Variants in PRKG2 observed in about 807,000 individuals in gnomAD.
The protein encoded by PRKG2 is cGMP-dependent protein kinase 2.
Under a neutral mutation model 97.2 loss-of-function variants are expected in PRKG2, and 33 were observed. That is an observed-to-expected ratio of 0.34 (90% CI 0.26 to 0.45). The LOEUF is 0.45. PRKG2 is among the 20% of genes least tolerant of loss of function. PRKG2 has a pLI of 1.00. For synonymous variants in PRKG2, 330 were observed against 321.8 expected (o/e 1.03, Z -0.27); for missense variants, 638 against 900.0 (o/e 0.71, Z 3.73).
At chr4:81,172,962 C>A (rs958755483) in intron 3 of PRKG2, among the ~76,000 whole-genome samples, 1 of 152,062 alleles carries the variant, frequency 6.6e-6, no homozygotes, top group African/African-American at 2.4e-5. Context: ...GTTAGACATG[C>A]AATTTAAAAT....
At chr4:81,163,898 A>ACC (rs1329544008) in intron 6 of PRKG2, among the ~76,000 whole-genome samples, 1 of 145,764 alleles carries the variant, frequency 6.9e-6, no homozygotes, top group African/African-American at 2.7e-5. Flanking sequence ...ACACACACAC[A>ACC]CACACCTCTG....
chr4:81,110,865 T>C (rs759494114), intron 14 of PRKG2, among the ~76,000 whole-genome samples: 7 of 150,812 alleles, frequency 4.6e-5, no homozygotes, highest in Non-Finnish European at 8.8e-5. Flanking sequence ...GAAAGTTCCA[T>C]GCACATACCT....
intron 15 of PRKG2, among the ~76,000 whole-genome samples, chr4:81,107,965 G>A (rs1370690577): frequency 6.6e-6 from 1 of 152,114 alleles, no homozygotes; most frequent in East Asian, 1.9e-4. Flanking sequence ...AGCACTTTGA[G>A]AGAATGAGGC....
chr4:81,090,897 T>C (rs546055122), intron 18 of PRKG2, among the ~76,000 whole-genome samples: 1 of 152,214 alleles, frequency 6.6e-6, no homozygotes, highest in Admixed American at 6.5e-5. Flanking sequence ...CATAGATACA[T>C]GAAATAATTT....
chr4:81,140,778 G>C, intron 11 of PRKG2, 109 bp from the exon 12 acceptor site: 1 of 894,756 alleles, frequency 1.1e-6, no homozygotes, highest in Non-Finnish European at 1.7e-6. Flanking sequence ...GAAGCCCTTA[G>C]CCACTTATCC....
chr4:81,177,534 T>C (rs1751040395), intron 2 of PRKG2, among the ~76,000 whole-genome samples: 1 of 152,000 alleles, frequency 6.6e-6, no homozygotes, highest in East Asian at 1.9e-4. Context: ...TGAAACCCCG[T>C]CTCTACTAAT....
chr4:81,110,556 C>T lies in PRKG2; in HGVS notation c.1832G>A (p.Cys611Tyr). Reference protein sequence around the residue: ...IGSGQKTWTFCGTPEYVAPEV... With the variant: ...IGSGQKTWTFYGTPEYVAPEV... ...AGGAGCTACATATTCTGGAGTCCCA[C>T]AGAATGTCCATGTTTTCTGTCCAGA... Residue 611 changes from cysteine (C) to tyrosine (Y), a missense_variant, in exon 15 of 19, where the codon TGT becomes TAT. Cys to Tyr is a radical substitution (Grantham distance 194). This residue lies in a region of PRKG2 where 304 missense variants were observed against 460.5 expected (regional missense o/e 0.66). Transcript: ENST00000264399. 6.2e-7 allele frequency: 1 copy of T among 1,613,414 alleles called. No individual in the cohort carries two copies. Among genetic ancestry groups the T allele is most frequent in the Non-Finnish European group, 8.5e-7 (1 of 1,179,914 alleles).
chr4:81,147,141 G>A (rs1747931350), intron 9 of PRKG2, among the ~76,000 whole-genome samples: 1 of 152,126 alleles, frequency 6.6e-6, no homozygotes, highest in Non-Finnish European at 1.5e-5. Flanking sequence ...CAAGTAACTT[G>A]TAAGCCATAT....
At chr4:81,144,378 G>A (rs1457924101) in intron 9 of PRKG2, 48 bp from the exon 10 acceptor site, 11 of 1,449,424 alleles carry the variant, frequency 7.6e-6, no homozygotes, top group African/African-American at 1.4e-5. Flanking sequence ...TAGTTACCAA[G>A]GCAACTTGAC....
chr4:81,094,602 T>C (rs1195062996), intron 17 of PRKG2, among the ~76,000 whole-genome samples: 2 of 151,980 alleles, frequency 1.3e-5, no homozygotes, highest in African/African-American at 2.4e-5. Flanking sequence ...TAAAAGAGAA[T>C]AAAGTGGTAG....
rs1332543287 is a variant in PRKG2 at position 81,089,126 on chromosome 4, C to T, written c.*582G>A. The T allele has an allele frequency of 6.6e-6, 1 of 152,122 alleles. No homozygotes were observed. Among genetic ancestry groups the T allele is most frequent in the Non-Finnish European group, 1.5e-5 (1 of 68,028 alleles). The allele number at this position is 152,122 out of a possible 1,614,324, so 9.4% of individuals were successfully genotyped here. A position where few individuals can be genotyped will look rare whatever the true frequency, so the allele number is the denominator to read the frequency against. The stretch of plus-strand genomic sequence containing the variant: ...GGAAATGGTGCCACTGACTATTGCT[C>T]AATCTTGCCTCTCCCTGGACTCATG... On this transcript the variant is annotated 3_prime_UTR_variant, in exon 19 of 19. Coordinates refer to ENST00000264399, the MANE Select transcript of PRKG2 (RefSeq NM_006259.3).
chr4:81,150,507 T>A (rs1197096714), intron 8 of PRKG2, among the ~76,000 whole-genome samples: 1 of 152,164 alleles, frequency 6.6e-6, no homozygotes. Flanking sequence ...TGTCTCCAAC[T>A]TTCCTTCTCA....
rs1282266985 is a variant in PRKG2, at chr4:81,157,356, T to G, written c.913-3635A>C. Among the ~76,000 whole-genome samples, 3 of 152,110 alleles carry G rather than the reference T, an allele frequency of 2.0e-5. No homozygotes were observed. In the East Asian group the frequency reaches 5.8e-4, roughly 29 times the overall value. On this transcript the variant is annotated intron_variant, in intron 6 of 18. Transcript: ENST00000264399. ...AGAAATGGATAAATTCCTCAATACA[T>G]ACACTCTCCCAAGACTAAACCAGGA...
intron 18 of PRKG2, among the ~76,000 whole-genome samples, chr4:81,090,834 G>T (rs1202504428): frequency 6.6e-6 from 1 of 152,216 alleles, no homozygotes; most frequent in African/African-American, 2.4e-5. Context: ...TTTTAAAAAG[G>T]AATAGAATTG....
intron 14 of PRKG2, among the ~76,000 whole-genome samples, chr4:81,113,708 G>A (rs1177919644): frequency 6.6e-6 from 1 of 152,016 alleles, no homozygotes; most frequent in Non-Finnish European, 1.5e-5. Flanking sequence ...GACACAAAAT[G>A]GCCAGTCTAA....
At position 81,135,278 on chromosome 4, in the gene PRKG2, G is replaced by A. The variant is rs748788791; in HGVS notation, c.1653C>T (p.Pro551=). 2 of 1,612,198 alleles carry A rather than the reference G, an allele frequency of 1.2e-6. No individual in the cohort carries two copies. Among genetic ancestry groups the A allele is most frequent in the East Asian group, 2.2e-5 (1 of 44,780 alleles). The part of the protein sequence containing the change: ...ILRDRGSFDE[P]TSKFCVACVT... ...CACAAGCAACGCAGAATTTGGAGGTGGGTTCATCAAAGCTGCCTCTGCAAC... is the reference window on the plus strand; with the variant it reads ...CACAAGCAACGCAGAATTTGGAGGTAGGTTCATCAAAGCTGCCTCTGCAAC... Residue 551 remains proline, a synonymous_variant, in exon 14 of 19, where the codon CCC becomes CCT. Coordinates refer to ENST00000264399, the MANE Select transcript of PRKG2 (RefSeq NM_006259.3).
chr4:81,104,600 G>A (rs555921990), intron 16 of PRKG2, among the ~76,000 whole-genome samples, 168 bp from the exon 17 acceptor site: 49 of 151,994 alleles, frequency 3.2e-4, no homozygotes, highest in Non-Finnish European at 6.0e-4. Flanking sequence ...TCTGAGTTTA[G>A]GGAGGTGAAA....
intron 2 of PRKG2, among the ~76,000 whole-genome samples, chr4:81,203,303 T>A (rs1002344775): frequency 6.6e-6 from 1 of 152,110 alleles, no homozygotes; most frequent in Non-Finnish European, 1.5e-5. Flanking sequence ...TAATCAAATT[T>A]CTTTCAGTCA....
chr4:81,150,501 T>C (rs1284793016), intron 8 of PRKG2, among the ~76,000 whole-genome samples: 1 of 152,182 alleles, frequency 6.6e-6, no homozygotes, highest in Non-Finnish European at 1.5e-5. Flanking sequence ...AATATTTGTC[T>C]CCAACTTTCC....
Sources: allele counts gnomAD v4.1 joint callset (sites outside exome capture counted in the v4.1 genomes callset), GRCh38; gene constraint gnomAD v4.1.1; regional missense constraint gnomAD v4.1.1; transcripts MANE v1.5; gene names NCBI Gene and HGNC (gene_info 2026-07-23, HGNC 2026-07-21).